Variants in AGBL1 observed in about 807,000 individuals in gnomAD.
AGBL1 encodes AGBL carboxypeptidase 1.
Under a neutral mutation model 118.9 loss-of-function variants are expected in AGBL1, and 130 were observed. The ratio of observed to expected loss-of-function variants is 1.09; its 90% confidence interval spans 0.95 to 1.26. The LOEUF (loss-of-function observed/expected upper bound fraction) is 1.26. AGBL1 is among the 50% of genes most tolerant of loss of function. The pLI, the probability that AGBL1 is intolerant of heterozygous loss-of-function variation, is 0.00. For synonymous variants in AGBL1, 555 were observed against 478.9 expected (o/e 1.16, Z -2.08); for missense variants, 1,584 against 1,298.1 (o/e 1.22, Z -3.38).
At chr15:86,753,952 T>G (rs1276825938) in intron 22 of AGBL1, among the ~76,000 whole-genome samples, 2 of 152,098 alleles carry the variant, frequency 1.3e-5, no homozygotes, top group Non-Finnish European at 2.9e-5. Context: ...CCATACCTCC[T>G]ATGTCCTAAG....
chr15:86,801,489 T>C (rs1477148557), intron 22 of AGBL1, among the ~76,000 whole-genome samples: 1 of 152,090 alleles, frequency 6.6e-6, no homozygotes, highest in Non-Finnish European at 1.5e-5. Flanking sequence ...ACCCTGGTTC[T>C]CACTCATGTT....
At chr15:86,797,136 G>T (rs2078584386) in intron 22 of AGBL1, among the ~76,000 whole-genome samples, 1 of 152,172 alleles carries the variant, frequency 6.6e-6, no homozygotes, top group South Asian at 2.1e-4. Context: ...AAATTGCATG[G>T]GATATTTGTA....
At chr15:86,263,649 A>G (rs948781131) in intron 10 of AGBL1, among the ~76,000 whole-genome samples, 7 of 152,226 alleles carry the variant, frequency 4.6e-5, no homozygotes, top group Non-Finnish European at 1.0e-4. Context: ...TTTTTAATAG[A>G]AACAAATTGG....
At position 86,527,773 on chromosome 15, in the gene AGBL1, A is replaced by G. The variant is rs143183567; in HGVS notation, c.2685+4834A>G. On this transcript the variant is annotated intron_variant, in intron 19 of 22. Transcript: ENST00000614907. ...TGGATTAATATGACTCCCAGGACCAAAAAGAATGTGGTACTGTGAGAAAAA... is the reference window on the plus strand; with the variant it reads ...TGGATTAATATGACTCCCAGGACCAGAAAGAATGTGGTACTGTGAGAAAAA... Among the ~76,000 whole-genome samples the G allele has an allele frequency of 2.6e-5, 4 of 152,336 alleles. No individual in the cohort carries two copies. In the East Asian group the frequency reaches 7.7e-4, roughly 29 times the overall value.
Position 86,254,816 on chromosome 15 carries a change from G to A in AGBL1, c.736-2037G>A, listed in dbSNP as rs545838533. Among the ~76,000 whole-genome samples the A allele has an allele frequency of 1.4e-4, 21 of 152,270 alleles. No individual in the cohort carries two copies. The East Asian group carries it at 3.9e-3, about 28-fold the overall frequency. The stretch of plus-strand genomic sequence containing the variant: ...CACAGCACCTTTCCATCAGCATGAG[G>A]GAAATGTTGACAAAGGAATTCAAGA... On this transcript the variant is annotated intron_variant, in intron 7 of 22. Transcript: ENST00000614907.
At chr15:86,585,834 C>A (rs2084239576) in intron 21 of AGBL1, among the ~76,000 whole-genome samples, 2 of 152,134 alleles carry the variant, frequency 1.3e-5, no homozygotes, top group African/African-American at 4.8e-5. Flanking sequence ...GAATTGCATT[C>A]AAAGTAGATT....
At chr15:86,450,892 A>G (rs916422375) in intron 18 of AGBL1, among the ~76,000 whole-genome samples, 1 of 152,190 alleles carries the variant, frequency 6.6e-6, no homozygotes, top group Non-Finnish European at 1.5e-5. Flanking sequence ...CTGATTAATC[A>G]ATAGATATTC....
intron 21 of AGBL1, among the ~76,000 whole-genome samples, chr15:86,611,501 C>T (rs1157014910): frequency 6.6e-6 from 1 of 152,080 alleles, no homozygotes; most frequent in Admixed American, 6.6e-5. Flanking sequence ...GAACTCAACC[C>T]CAAATCAGGA....
chr15:86,544,273 G>T (rs1050149305), intron 19 of AGBL1, among the ~76,000 whole-genome samples: 7 of 152,198 alleles, frequency 4.6e-5, no homozygotes, highest in Non-Finnish European at 1.0e-4. Context: ...GGATGACTTT[G>T]CAGAGAGTCT....
At chr15:86,864,390 G>A (rs1038735633) in intron 22 of AGBL1, among the ~76,000 whole-genome samples, 5 of 152,150 alleles carry the variant, frequency 3.3e-5, no homozygotes, top group East Asian at 1.9e-4. Flanking sequence ...ACTCAGGCAC[G>A]ATTGTAAGTA....
intron 9 of AGBL1, among the ~76,000 whole-genome samples, chr15:86,258,865 C>T (rs1407395781): frequency 6.6e-6 from 1 of 152,122 alleles, no homozygotes; most frequent in Non-Finnish European, 1.5e-5. Flanking sequence ...TACCACCACA[C>T]CCAGCTAATT....
intron 22 of AGBL1, among the ~76,000 whole-genome samples, chr15:86,868,960 G>A (rs1267857041): frequency 6.6e-6 from 1 of 152,200 alleles, no homozygotes; most frequent in African/African-American, 2.4e-5. Context: ...TTGGCTTACA[G>A]CTAGGACATT....
intron 18 of AGBL1, among the ~76,000 whole-genome samples, chr15:86,515,251 G>C (rs2083105907): frequency 6.6e-6 from 1 of 152,154 alleles, no homozygotes; most frequent in East Asian, 1.9e-4. Context: ...GTTGTGGAGA[G>C]AGTGATCCTC....
intron 22 of AGBL1, among the ~76,000 whole-genome samples, chr15:86,847,929 T>C (rs16978030): frequency 0.022 from 3,420 of 152,296 alleles, 127 homozygotes; most frequent in East Asian, 0.19. Flanking sequence ...TATTGCTTGA[T>C]CACACTAGGT....
chr15:86,561,191 T>C (rs942995456), intron 21 of AGBL1, among the ~76,000 whole-genome samples: 1 of 152,240 alleles, frequency 6.6e-6, no homozygotes, highest in Admixed American at 6.5e-5. Flanking sequence ...TTTTGGTGTT[T>C]TAGACAGGAA....
intron 1 of AGBL1, among the ~76,000 whole-genome samples, chr15:86,136,258 A>G (rs1187150823): frequency 2.6e-5 from 4 of 152,246 alleles, no homozygotes; most frequent in Non-Finnish European, 5.9e-5. Context: ...TGTTACCCCC[A>G]CAATAGACAG....
intron 22 of AGBL1, among the ~76,000 whole-genome samples, chr15:86,686,147 C>T (rs950923779): frequency 4.6e-5 from 7 of 152,244 alleles, no homozygotes; most frequent in Middle Eastern, 3.4e-3. Flanking sequence ...AAAGGACATG[C>T]AATGATTTTT....
In AGBL1 at chr15:86,317,740, A is replaced by G. The variant is rs148312582; in HGVS notation, c.2374+22332A>G. Among the ~76,000 whole-genome samples the G allele has an allele frequency of 2.8e-3, 426 of 152,362 alleles. 2 individuals are homozygous for G. The highest frequency in any genetic ancestry group is 9.9e-3 in the African/African-American group (410 of 41,586). On this transcript the variant is annotated intron_variant, in intron 17 of 22. Transcript: ENST00000614907. ...GTGCCAGAAGATCTCTTTTTCAACT[A>G]CTGAGCTCTGACTTTGTCACACAAA... is the stretch of plus-strand genomic sequence containing the variant.
chr15:86,467,824 C>A (rs1331847827), intron 18 of AGBL1, among the ~76,000 whole-genome samples: 1 of 152,176 alleles, frequency 6.6e-6, no homozygotes, highest in African/African-American at 2.4e-5. Context: ...ACTGTCTAAC[C>A]AGTTCCAGTG....
Sources: allele counts gnomAD v4.1 joint callset (sites outside exome capture counted in the v4.1 genomes callset), GRCh38; gene constraint gnomAD v4.1.1; transcripts MANE v1.5; gene names NCBI Gene and HGNC (gene_info 2026-07-23, HGNC 2026-07-21).